Variants in ZNF469 observed in about 807,000 individuals in gnomAD.
ZNF469 encodes the protein zinc finger protein 469.
A neutral mutation model predicts 1.0 loss-of-function variants in ZNF469; 1 was observed. The observed-to-expected ratio is 1.00, with a 90% CI of 0.35 to 4.73. The LOEUF (loss-of-function observed/expected upper bound fraction) is 4.73, where lower values mean the gene tolerates loss of function less well. Among genes scored for constraint, ZNF469 ranks in the 30% most tolerant of loss-of-function variants. The probability of loss-of-function intolerance (pLI) is 0.16; values close to 1 mark genes in which losing one functional copy is unlikely to be tolerated. For synonymous variants in ZNF469, 2,703 were observed against 2,363.4 expected, an observed-to-expected ratio of 1.14 and a Z score of -4.17; for missense variants, 6,100 against 5,356.3, an observed-to-expected ratio of 1.14 and a Z score of -4.33.
At chr16:88,213,934 C>CA in the ZNF469 span, among the ~76,000 whole-genome samples, 1 of 152,290 alleles carries the variant, frequency 6.6e-6, no homozygotes, top group East Asian at 1.9e-4. Context: ...GATCATTTAA[C>CA]ATTTATATTA....
the ZNF469 span, among the ~76,000 whole-genome samples, chr16:88,122,086 TCGG>T: frequency 9.0e-6 from 1 of 111,586 alleles, no homozygotes; most frequent in African/African-American, 3.4e-5. Flanking sequence ...TGCTGCGGCC[TCGG>T]CAGCCCCTCG....
intron 1 of ZNF469, among the ~76,000 whole-genome samples, chr16:88,400,512 C>T (rs55902245): frequency 6.6e-6 from 1 of 152,048 alleles, no homozygotes; most frequent in Admixed American, 6.6e-5. Flanking sequence ...TTTGCTCGTC[C>T]CTGCTTTCCG....
chr16:88,136,713 C>T, the ZNF469 span, among the ~76,000 whole-genome samples: 121 of 152,350 alleles, frequency 7.9e-4, 1 homozygote, highest in African/African-American at 2.8e-3. Flanking sequence ...ATGCCTGTTA[C>T]GAGTCTGTCC....
Position 88,432,658 on chromosome 16 carries a change from G to C in ZNF469, c.5188G>C (p.Gly1730Arg). ...VCLPEPSKQP[G>R]PQLDAGSLAK... ...CCTGCCTGAGCCCAGCAAGCAGCCT[G>C]GCCCACAGCTGGATGCCGGGAGTTT... Residue 1730 changes from glycine to arginine, a missense_variant, in exon 3 of 3, where the codon GGC becomes CGC. Transcript: ENST00000565624. 6.4e-7 allele frequency: 1 copy of C among 1,550,436 alleles called. No homozygotes were observed. Among genetic ancestry groups the C allele is most frequent in the Non-Finnish European group, 8.7e-7 (1 of 1,146,994 alleles).
the ZNF469 span, among the ~76,000 whole-genome samples, chr16:88,357,041 C>T: frequency 3.3e-5 from 5 of 152,256 alleles, no homozygotes; most frequent in East Asian, 1.9e-4. Flanking sequence ...CGGCCAGCCC[C>T]GGTTACGGGT....
the ZNF469 span, among the ~76,000 whole-genome samples, chr16:88,274,476 A>G: frequency 2.0e-5 from 3 of 152,248 alleles, no homozygotes; most frequent in Non-Finnish European, 2.9e-5. Flanking sequence ...GCATGAAGTC[A>G]CATGCTTCTG....
At chr16:88,264,200 T>A in the ZNF469 span, among the ~76,000 whole-genome samples, 5 of 152,122 alleles carry the variant, frequency 3.3e-5, no homozygotes, top group African/African-American at 1.2e-4. Context: ...CTCAGGCCCC[T>A]TTGCTTCCAG....
Position 88,430,038 on chromosome 16 carries a change from C to T in ZNF469, c.2568C>T (p.Asp856=), listed in dbSNP as rs1340539748. The T allele has an allele frequency of 1.3e-6, 2 of 1,550,272 alleles. No individual in the cohort carries two copies. Among genetic ancestry groups the T allele is most frequent in the Middle Eastern group, 1.7e-4 (1 of 6,014 alleles). Residue 856 remains aspartate, a synonymous_variant, in exon 3 of 3, where the codon GAC becomes GAT. Transcript: ENST00000565624. ...EALNGMEYQS[D]NPEIDSSFID... Reference sequence around the variant, plus strand: ...TCAACGGCATGGAGTACCAGTCGGACAACCCGGAGATCGACAGCAGCTTCA... The same window carrying T: ...TCAACGGCATGGAGTACCAGTCGGATAACCCGGAGATCGACAGCAGCTTCA...
the ZNF469 span, among the ~76,000 whole-genome samples, chr16:88,228,368 G>A: frequency 1.3e-5 from 2 of 152,368 alleles, no homozygotes; most frequent in African/African-American, 4.8e-5. Flanking sequence ...TCTGGGCCCT[G>A]GGGTGTGTGT....
At chr16:88,353,936 C>T in the ZNF469 span, among the ~76,000 whole-genome samples, 10 of 152,170 alleles carry the variant, frequency 6.6e-5, no homozygotes, top group Admixed American at 1.3e-4. Context: ...TAAAGCCTGT[C>T]GTCTCAGCCC....
At position 88,433,767 on chromosome 16, in the gene ZNF469, A is replaced by G; in HGVS notation, c.6297A>G (p.Thr2099=). 1 of 1,549,524 alleles carries G rather than the reference A, an allele frequency of 6.5e-7. No homozygotes were observed. The highest frequency in any genetic ancestry group is 8.7e-7 in the Non-Finnish European group (1 of 1,146,870). Reference sequence around the variant, plus strand: ...GCCTGAACAAGCCACTGCTGGCCACAGGGGATAGCCCAGCACCCTCTGTCG... The same window carrying G: ...GCCTGAACAAGCCACTGCTGGCCACGGGGGATAGCCCAGCACCCTCTGTCG... ...SPGLNKPLLA[T]GDSPAPSVGD... is the part of the protein sequence containing the mutation. The change falls in exon 3 of 3, where the codon ACA becomes ACG. Residue 2099 remains threonine, a synonymous_variant. Coordinates refer to ENST00000565624, the MANE Select transcript of ZNF469 (RefSeq NM_001367624.2).
chr16:88,211,441 T>C, the ZNF469 span, among the ~76,000 whole-genome samples: 1 of 152,238 alleles, frequency 6.6e-6, no homozygotes, highest in Non-Finnish European at 1.5e-5. Context: ...GGAAAGTCGA[T>C]ACAAACTGGG....
At chr16:88,133,635 A>C in the ZNF469 span, among the ~76,000 whole-genome samples, 13 of 151,706 alleles carry the variant, frequency 8.6e-5, no homozygotes, top group Non-Finnish European at 1.9e-4. Flanking sequence ...TAGATTAATA[A>C]AATAAATTAT....
intron 1 of ZNF469, among the ~76,000 whole-genome samples, chr16:88,387,165 G>A (rs1442922828): frequency 6.6e-6 from 1 of 152,164 alleles, no homozygotes; most frequent in Non-Finnish European, 1.5e-5. Context: ...GGTCAGGTGC[G>A]GACGCCGTCC....
the ZNF469 span, among the ~76,000 whole-genome samples, chr16:88,185,957 A>G: frequency 6.6e-6 from 1 of 152,130 alleles, no homozygotes; most frequent in Non-Finnish European, 1.5e-5. Context: ...ATGCACACAC[A>G]CACGCATACA....
chr16:88,235,822 A>G, the ZNF469 span, among the ~76,000 whole-genome samples: 9 of 152,200 alleles, frequency 5.9e-5, no homozygotes, highest in Non-Finnish European at 1.2e-4. Context: ...CATGTGCCGC[A>G]GGGGGTTGGG....
At chr16:88,319,673 G>A in the ZNF469 span, among the ~76,000 whole-genome samples, 21 of 152,124 alleles carry the variant, frequency 1.4e-4, no homozygotes, top group Admixed American at 3.9e-4. Context: ...AGGAAGCCCC[G>A]TCTGTGGGTC....
chr16:88,436,330 T>C lies in ZNF469; in HGVS notation c.8860T>C (p.Trp2954Arg), dbSNP rs557063759. 1.0e-4 allele frequency: 162 copies of C among 1,549,594 alleles called. No homozygotes were observed. The African/African-American group carries it at 2.1e-3, about 20-fold the overall frequency. The change falls in exon 3 of 3, where the codon TGG becomes CGG. Residue 2954 changes from tryptophan to arginine, a missense_variant. Coordinates refer to ENST00000565624, the MANE Select transcript of ZNF469 (RefSeq NM_001367624.2). ...LNSRVPGIDP[W>R]APGLSLWALE... ...TAGCAGGGTGCCTGGCATTGACCCCTGGGCCCCCGGCCTCAGCCTGTGGGC... is the reference window on the plus strand; with the variant it reads ...TAGCAGGGTGCCTGGCATTGACCCCCGGGCCCCCGGCCTCAGCCTGTGGGC...
At chr16:88,305,484 A>C in the ZNF469 span, among the ~76,000 whole-genome samples, 1 of 144,034 alleles carries the variant, frequency 6.9e-6, no homozygotes, top group African/African-American at 2.6e-5. Flanking sequence ...ACGTGCACAC[A>C]TGGTCACAGG....
Sources: gnomAD v4.1 joint callset for allele counts (sites outside exome capture counted in the v4.1 genomes callset) on GRCh38, gnomAD v4.1.1 for gene constraint, MANE v1.5 for transcripts, NCBI Gene and HGNC (gene_info 2026-07-23, HGNC 2026-07-21) for gene names.